CELF2: variants seen among roughly 807,000 people sequenced by gnomAD.
CELF2 encodes the protein CUGBP Elav-like family member 2.
CELF2 carries 8 observed loss-of-function variants against 62.6 expected under a neutral mutation model. The ratio of observed to expected loss-of-function variants is 0.13; its 90% CI spans 0.07 to 0.23. The LOEUF (loss-of-function observed/expected upper bound fraction) is 0.23. Ranked by LOEUF, CELF2 falls within the 10% of genes least tolerant of loss-of-function variation. The pLI, the probability that CELF2 is intolerant of heterozygous loss-of-function variation, is 1.00. For missense variants in CELF2, 333 were observed against 671.0 expected, an observed-to-expected ratio of 0.50 and a Z score of 5.56; for synonymous variants, 258 against 250.0, an observed-to-expected ratio of 1.03 and a Z score of -0.30.
intron 2 of CELF2, among the ~76,000 whole-genome samples, chr10:11,190,652 C>G (rs1212862413): frequency 6.6e-6 from 1 of 151,602 alleles, no homozygotes; most frequent in Admixed American, 6.6e-5. Context: ...GCTGTACCCT[C>G]AAAGTGCTAA....
At chr10:10,687,837 C>T in the CELF2 span, among the ~76,000 whole-genome samples, 2 of 152,168 alleles carry the variant, frequency 1.3e-5, no homozygotes, top group African/African-American at 4.8e-5. Context: ...AATTTGCTAC[C>T]TGAGGCATGA....
In CELF2 at chr10:11,334,277, G is replaced by A. The variant is rs1238249801; in HGVS notation, c.*5224G>A. 6.6e-6 allele frequency: 1 copy of A among 152,592 alleles called. No individual in the cohort carries two copies. The highest frequency in any genetic ancestry group is 1.5e-5 in the Non-Finnish European group (1 of 68,028). The allele number at this position is 152,592 out of a possible 1,614,324, so 9.5% of individuals were successfully genotyped here. On this transcript the variant is annotated 3_prime_UTR_variant, in exon 13 of 13. Coordinates refer to ENST00000633077, the MANE Select transcript of CELF2 (RefSeq NM_001326342.2). ...TGAACATAACCGTGTAGTTGAAACA[G>A]TCAAACTTATTTTTGTAATGTATGT...
At chr10:11,040,413 A>G (rs1331646174) in intron 1 of CELF2, among the ~76,000 whole-genome samples, 1 of 152,226 alleles carries the variant, frequency 6.6e-6, no homozygotes, top group Non-Finnish European at 1.5e-5. Flanking sequence ...TAATAAAAGT[A>G]ACAATAGTTT....
the CELF2 span, among the ~76,000 whole-genome samples, chr10:10,597,631 C>T: frequency 6.5e-4 from 99 of 152,248 alleles, no homozygotes; most frequent in Non-Finnish European, 1.3e-3. Flanking sequence ...GATACATAGT[C>T]CTGTAAAAAA....
intron 8 of CELF2, among the ~76,000 whole-genome samples, chr10:11,284,757 T>TTGGGTAGATATG (rs1165783930): frequency 6.9e-6 from 1 of 144,268 alleles, no homozygotes; most frequent in Non-Finnish European, 1.5e-5. Flanking sequence ...GGATAGATAG[T>TTGGGTAGATATG]TGGGTAGATA....
intron 1 of CELF2, among the ~76,000 whole-genome samples, chr10:11,148,946 CTGGTATCACTA>C (rs1564944875): frequency 6.6e-6 from 1 of 152,156 alleles, no homozygotes; most frequent in African/African-American, 2.4e-5. Context: ...CCTCATCACT[CTGGTATCACTA>C]GGGACCTTGC....
At chr10:10,861,959 C>G (rs1239541598) in intron 1 of CELF2, among the ~76,000 whole-genome samples, 1 of 151,968 alleles carries the variant, frequency 6.6e-6, no homozygotes, top group Non-Finnish European at 1.5e-5. Context: ...TTTTTTATTC[C>G]CATTGTGTCC....
At chr10:10,654,798 A>C in the CELF2 span, among the ~76,000 whole-genome samples, 2 of 149,822 alleles carry the variant, frequency 1.3e-5, no homozygotes, top group African/African-American at 4.9e-5. Flanking sequence ...ATTCCCTTTG[A>C]AAACTGGCAC....
At chr10:10,838,359 T>C (rs2058447633) in intron 1 of CELF2, among the ~76,000 whole-genome samples, 1 of 152,150 alleles carries the variant, frequency 6.6e-6, no homozygotes, top group Admixed American at 6.5e-5. Flanking sequence ...TTGATCGCAT[T>C]TCTCCACTAC....
chr10:11,099,352 AT>A (rs1402635375), intron 1 of CELF2, among the ~76,000 whole-genome samples: 2 of 152,214 alleles, frequency 1.3e-5, no homozygotes, highest in African/African-American at 4.8e-5. Context: ...AAACATTCGT[AT>A]TTTTTAATAA....
At chr10:11,226,377 G>A (rs1299702068) in intron 3 of CELF2, among the ~76,000 whole-genome samples, 6 of 152,210 alleles carry the variant, frequency 3.9e-5, no homozygotes, top group African/African-American at 9.6e-5. Context: ...AGGCTTGCCG[G>A]TCCCGGCAAG....
intron 3 of CELF2, among the ~76,000 whole-genome samples, chr10:11,228,335 AAAAC>A (rs2067312494): frequency 6.6e-6 from 1 of 152,240 alleles, no homozygotes; most frequent in Non-Finnish European, 1.5e-5. Context: ...TCTCACATAA[AAAAC>A]AAATAAGGTA....
the CELF2 span, among the ~76,000 whole-genome samples, chr10:10,761,621 C>T: frequency 6.6e-6 from 1 of 152,226 alleles, no homozygotes; most frequent in African/African-American, 2.4e-5. Flanking sequence ...CTGAATACAA[C>T]ACAAAAGCCA....
chr10:11,281,937 C>T (rs949101584), intron 8 of CELF2, among the ~76,000 whole-genome samples: 6 of 152,152 alleles, frequency 3.9e-5, no homozygotes, highest in Non-Finnish European at 7.4e-5. Flanking sequence ...TTCTTGGACC[C>T]TGGGGCAGGG....
the CELF2 span, among the ~76,000 whole-genome samples, chr10:10,777,205 A>T: frequency 6.6e-6 from 1 of 152,076 alleles, no homozygotes; most frequent in Non-Finnish European, 1.5e-5. Context: ...CCAGCTTTAG[A>T]TACACCTCGC....
chr10:10,483,685 A>G, the CELF2 span, among the ~76,000 whole-genome samples: 2 of 152,160 alleles, frequency 1.3e-5, no homozygotes, highest in Non-Finnish European at 2.9e-5. Context: ...TTTATTTTCT[A>G]AACTTTCTGT....
At position 11,300,535 on chromosome 10, in the gene CELF2, C is replaced by T. The variant is rs2093618701; in HGVS notation, c.976+11983C>T. Reference sequence around the variant, plus strand: ...TCACTTTCCAACCCTACCTCCTCTTCCTCAGTCACCCCGCCCCTCCCTGCC... The same window carrying T: ...TCACTTTCCAACCCTACCTCCTCTTTCTCAGTCACCCCGCCCCTCCCTGCC... On this transcript the variant is annotated intron_variant, in intron 9 of 12. Coordinates refer to ENST00000633077, the MANE Select transcript of CELF2 (RefSeq NM_001326342.2). The surrounding 1 kb of genome is among the most constrained non-coding windows in gnomAD (Gnocchi z 5.5). 6.6e-6 allele frequency among the ~76,000 whole-genome samples: 1 copy of T among 152,210 alleles called. No individual in the cohort carries two copies. The highest frequency in any genetic ancestry group is 2.4e-5 in the African/African-American group (1 of 41,458).
At chr10:10,820,175 G>GC (rs1445031402) in intron 1 of CELF2, among the ~76,000 whole-genome samples, 8 of 152,084 alleles carry the variant, frequency 5.3e-5, no homozygotes. Context: ...CTGAAGCCTC[G>GC]CCAGCCATGT....
At chr10:11,037,765 A>G (rs1451219939) in intron 1 of CELF2, among the ~76,000 whole-genome samples, 1 of 152,210 alleles carries the variant, frequency 6.6e-6, no homozygotes, top group Non-Finnish European at 1.5e-5. Context: ...TCTTACTGAC[A>G]CTTTAGTCTC....
Sources: gnomAD v4.1 joint callset for allele counts (sites outside exome capture counted in the v4.1 genomes callset) on GRCh38, gnomAD v4.1.1 for gene constraint, Gnocchi (gnomAD v3.1) non-coding constraint, MANE v1.5 for transcripts, NCBI Gene and HGNC (gene_info 2026-07-23, HGNC 2026-07-21) for gene names.